PTAFR: variants seen among roughly 807,000 people sequenced by gnomAD.
PTAFR encodes platelet activating factor receptor, also known as platelet-activating factor receptor.
Under a neutral mutation model 14.7 loss-of-function variants are expected in PTAFR, and 8 were observed. The ratio of observed to expected loss-of-function variants is 0.54; its 90% CI spans 0.32 to 0.98. The LOEUF (loss-of-function observed/expected upper bound fraction) is 0.98. Ranked by LOEUF, PTAFR falls within the 50% of genes least tolerant of loss-of-function variation. PTAFR has a pLI of 0.04. For missense variants in PTAFR, 337 were observed against 451.2 expected, an observed-to-expected ratio of 0.75 and a Z score of 2.29; for synonymous variants, 156 against 176.5, an observed-to-expected ratio of 0.88 and a Z score of 0.92.
chr1:28,150,631 G>A lies in PTAFR; in HGVS notation c.391C>T (p.Arg131Cys), dbSNP rs542211181. 14 of 1,614,184 alleles carry A rather than the reference G, an allele frequency of 8.7e-6. No homozygotes were observed. Among genetic ancestry groups the A allele is most frequent in the South Asian group, 2.2e-5 (2 of 91,080 alleles). ...RPIKTAQANT[R>C]KRGISLSLVI... ...AAGGACAAAGAGATGCCACGCTTGC[G>A]GGTGTTGGCCTGAGCAGTCTTGATG... is the stretch of plus-strand genomic sequence containing the variant. The change falls in exon 2 of 2, where the codon CGC becomes TGC. Residue 131 changes from arginine (R) to cysteine (C), a missense_variant. Coordinates refer to ENST00000373857, the MANE Select transcript of PTAFR (RefSeq NM_000952.5). The surrounding 1 kb of genome is among the most constrained non-coding windows in gnomAD (Gnocchi z 6.3).
chr1:28,188,202 T>C (rs925121050), intron 1 of PTAFR, among the ~76,000 whole-genome samples: 1 of 152,096 alleles, frequency 6.6e-6, no homozygotes, highest in Non-Finnish European at 1.5e-5. Flanking sequence ...CCCCAGCACT[T>C]TGGGAGGATG....
chr1:28,174,286 A>C (rs1285174950), intron 1 of PTAFR, among the ~76,000 whole-genome samples: 1 of 152,124 alleles, frequency 6.6e-6, no homozygotes. Context: ...CTGAGGTCCA[A>C]GCCTCCACCC....
At chr1:28,184,174 C>T (rs1275389738) in intron 1 of PTAFR, among the ~76,000 whole-genome samples, 2 of 145,154 alleles carry the variant, frequency 1.4e-5, no homozygotes, top group African/African-American at 2.5e-5. Context: ...CTCACTCCAA[C>T]CTCCGCCTCC....
At chr1:28,184,580 G>A (rs188005601) in intron 1 of PTAFR, among the ~76,000 whole-genome samples, 9 of 152,098 alleles carry the variant, frequency 5.9e-5, no homozygotes, top group African/African-American at 9.6e-5. Flanking sequence ...CACTGTAGTC[G>A]TTCTGTTCTT....
At chr1:28,188,226 G>A (rs1444684114) in intron 1 of PTAFR, among the ~76,000 whole-genome samples, 5 of 152,128 alleles carry the variant, frequency 3.3e-5, no homozygotes, top group African/African-American at 1.2e-4. Context: ...CTGGCAGATC[G>A]CTTGAACCCA....
intron 1 of PTAFR, among the ~76,000 whole-genome samples, chr1:28,183,699 C>G (rs1274435657): frequency 1.3e-5 from 2 of 151,852 alleles, no homozygotes; most frequent in African/African-American, 4.8e-5. Context: ...GCTCTTTTGC[C>G]CTCTAGTGAA....
intron 1 of PTAFR, among the ~76,000 whole-genome samples, chr1:28,161,436 A>G (rs551571227): frequency 1.3e-5 from 2 of 152,346 alleles, no homozygotes; most frequent in Non-Finnish European, 2.9e-5. Context: ...AAATAAGATA[A>G]TTTCAAATTG....
chr1:28,152,715 T>C (rs1179376005), intron 1 of PTAFR, among the ~76,000 whole-genome samples: 1 of 152,064 alleles, frequency 6.6e-6, no homozygotes, highest in Non-Finnish European at 1.5e-5. Context: ...TGCACCCCAG[T>C]CTGGGCAGGA....
intron 1 of PTAFR, among the ~76,000 whole-genome samples, chr1:28,183,921 A>G (rs1156366006): frequency 6.6e-6 from 1 of 151,836 alleles, no homozygotes; most frequent in Non-Finnish European, 1.5e-5. Flanking sequence ...AAAACTTTAA[A>G]TGATGGATGG....
chr1:28,169,680 A>G (rs545542152), intron 1 of PTAFR, among the ~76,000 whole-genome samples: 1 of 152,250 alleles, frequency 6.6e-6, no homozygotes, highest in East Asian at 1.9e-4. Flanking sequence ...GAGTGGTGTG[A>G]AGAGTCAATG....
chr1:28,177,944 T>C (rs545235795), upstream of PTAFR, among the ~76,000 whole-genome samples: 1 of 152,008 alleles, frequency 6.6e-6, no homozygotes, highest in Admixed American at 6.5e-5. Flanking sequence ...TCCAGTCCAT[T>C]TACCCACTCA....
At chr1:28,163,678 A>G (rs1398516848) in intron 1 of PTAFR, among the ~76,000 whole-genome samples, 1 of 152,246 alleles carries the variant, frequency 6.6e-6, no homozygotes, top group Non-Finnish European at 1.5e-5. Flanking sequence ...TGGCTGGAAC[A>G]GGACCTGAGC....
At chr1:28,178,584 G>T (rs1646536998), upstream of PTAFR, among the ~76,000 whole-genome samples, 1 of 151,934 alleles carries the variant, frequency 6.6e-6, no homozygotes, top group African/African-American at 2.4e-5. Context: ...TTTAACATTT[G>T]CCTCAGTCAT....
rs1646518827 is a variant in PTAFR at position 28,176,676 on chromosome 1, G to T, written c.-123C>A. On this transcript the variant is annotated 5_prime_UTR_variant, in exon 1 of 2. Transcript: ENST00000373857. Reference sequence around the variant, plus strand: ...CCCAGCCTCAGCCTCTATGCTGTCTGGCAATTGCAGAAGTGAAGAAACAGA... The same window carrying T: ...CCCAGCCTCAGCCTCTATGCTGTCTTGCAATTGCAGAAGTGAAGAAACAGA... 6.5e-6 allele frequency: 1 copy of T among 152,734 alleles called. No homozygotes were observed. Among genetic ancestry groups the T allele is most frequent in the Non-Finnish European group, 1.5e-5 (1 of 68,190 alleles). 9.5% of individuals were successfully genotyped at this position (152,734 alleles called of 1,614,324 possible).
intron 1 of PTAFR, among the ~76,000 whole-genome samples, chr1:28,154,609 C>T (rs543542928): frequency 6.6e-6 from 1 of 151,962 alleles, no homozygotes. Flanking sequence ...CTTAGGAGTT[C>T]GAGACCAGCC....
chr1:28,168,218 T>A (rs1051590057), intron 1 of PTAFR, among the ~76,000 whole-genome samples: 1 of 147,226 alleles, frequency 6.8e-6, no homozygotes, highest in African/African-American at 2.5e-5. Flanking sequence ...TGATCCGCCC[T>A]CCTCGGCCAC....
chr1:28,192,279 G>C (rs932388559), intron 1 of PTAFR, among the ~76,000 whole-genome samples: 8 of 152,056 alleles, frequency 5.3e-5, no homozygotes, highest in African/African-American at 1.9e-4. Flanking sequence ...AATACTTGTG[G>C]CCGGGCGCAG....
chr1:28,166,426 C>T (rs993277919), intron 1 of PTAFR, among the ~76,000 whole-genome samples: 1 of 152,148 alleles, frequency 6.6e-6, no homozygotes, highest in Non-Finnish European at 1.5e-5. Flanking sequence ...AATCCCAGCA[C>T]TTTGTGGGGC....
intron 1 of PTAFR, among the ~76,000 whole-genome samples, chr1:28,187,070 C>T (rs1646613470): frequency 6.6e-6 from 1 of 152,174 alleles, no homozygotes; most frequent in Non-Finnish European, 1.5e-5. Flanking sequence ...GGATTACAGG[C>T]GTGAGCCACC....
Sources: allele counts gnomAD v4.1 joint callset (sites outside exome capture counted in the v4.1 genomes callset), GRCh38; gene constraint gnomAD v4.1.1; non-coding constraint Gnocchi (gnomAD v3.1); transcripts MANE v1.5; gene names NCBI Gene and HGNC (gene_info 2026-07-23, HGNC 2026-07-21).